The following HIVEP2 variants were observed in gnomAD, a reference collection of about 807,000 sequenced individuals.
HIVEP2 encodes HIVEP zinc finger 2, also known as transcription factor HIVEP2.
A neutral mutation model predicts 180.7 loss-of-function variants in HIVEP2; 14 were observed. That is an observed-to-expected ratio of 0.08 (90% confidence interval 0.05 to 0.12). The LOEUF (loss-of-function observed/expected upper bound fraction) is 0.12. Ranked by LOEUF, HIVEP2 falls within the 10% of genes least tolerant of loss-of-function variation. The pLI is 1.00. For synonymous variants in HIVEP2, 1,184 were observed against 1,136.4 expected (o/e 1.04, Z -0.84); for missense variants, 2,579 against 3,008.5 (o/e 0.86, Z 3.34).
intron 1 of HIVEP2, among the ~76,000 whole-genome samples, chr6:142,924,983 C>G (rs774390979): frequency 6.6e-6 from 1 of 152,158 alleles, no homozygotes; most frequent in Non-Finnish European, 1.5e-5. Flanking sequence ...AGTACCTTTG[C>G]GGCCACATCT....
intron 2 of HIVEP2, among the ~76,000 whole-genome samples, chr6:142,811,603 T>A (rs1404998733): frequency 6.6e-6 from 1 of 152,132 alleles, no homozygotes; most frequent in African/African-American, 2.4e-5. Context: ...CACAACTAAA[T>A]TTAAATTACA....
At chr6:142,846,755 G>A (rs73777808) in intron 1 of HIVEP2, among the ~76,000 whole-genome samples, 77 of 152,232 alleles carry the variant, frequency 5.1e-4, no homozygotes, top group African/African-American at 1.7e-3. Context: ...ATCATCTTAT[G>A]TCCTCACTTA....
intron 1 of HIVEP2, among the ~76,000 whole-genome samples, chr6:142,844,304 T>C (rs571301391): frequency 1.3e-5 from 2 of 151,940 alleles, no homozygotes; most frequent in African/African-American, 4.8e-5. Context: ...TTTTTTTTTT[T>C]AATGAAGAGA....
chr6:142,885,342 T>G (rs2128418577), intron 1 of HIVEP2, among the ~76,000 whole-genome samples: 1 of 151,842 alleles, frequency 6.6e-6, no homozygotes, highest in East Asian at 1.9e-4. Context: ...CTCCCCTTTC[T>G]TCTCTCGTCC....
rs771432460 is a variant in HIVEP2 at position 142,761,555 on chromosome 6, C to A, written c.5529G>T (p.Thr1843=). 2.5e-6 allele frequency: 4 copies of A among 1,590,898 alleles called. No individual in the cohort carries two copies. Among genetic ancestry groups the A allele is most frequent in the Non-Finnish European group, 3.4e-6 (4 of 1,160,312 alleles). Reference sequence around the variant, plus strand: ...TGTGTGCTTTAGATTTCATATGCTTCGTTAGGTTTCCTTGAAAATGTAGCA... The same window carrying A: ...TGTGTGCTTTAGATTTCATATGCTTAGTTAGGTTTCCTTGAAAATGTAGCA... ...NFAFKTKGNL[T]KHMKSKAHMK... Residue 1843 remains threonine (T), a synonymous_variant, in exon 8 of 10, where the codon ACG becomes ACT. Transcript: ENST00000367603.
At position 142,773,158 on chromosome 6, in the gene HIVEP2, G is replaced by A. The variant is rs1389415474; in HGVS notation, c.1581C>T (p.Asn527=). The change falls in exon 5 of 10, where the codon AAC becomes AAT. Residue 527 remains asparagine (N), a synonymous_variant. Coordinates refer to ENST00000367603, the MANE Select transcript of HIVEP2 (RefSeq NM_006734.4). ...CTACAGGAGCTTCTAAGAGAACCGG[G>A]TTGCTGCCTTGGAAGTTTGCTGGAT... is the stretch of plus-strand genomic sequence containing the variant. ...KLYPANFQGS[N]PVLLEAPVDS... is the part of the protein sequence containing the mutation. The A allele has an allele frequency of 1.9e-6, 3 of 1,614,212 alleles. No homozygotes were observed. The highest frequency in any genetic ancestry group is 2.2e-5 in the South Asian group (2 of 91,086).
chr6:142,793,657 T>TC (rs1473251583), intron 2 of HIVEP2, among the ~76,000 whole-genome samples: 1 of 38,204 alleles, frequency 2.6e-5, no homozygotes, highest in Admixed American at 3.8e-4. Flanking sequence ...TCTTTCTTTC[T>TC]TTTTTCTTTC....
In HIVEP2 at chr6:142,771,653, C is replaced by T. The variant is rs760549685; in HGVS notation, c.3086G>A (p.Arg1029His). The change falls in exon 5 of 10, where the codon CGC (arginine) becomes CAC (histidine). Residue 1029 changes from arginine to histidine, a missense_variant. By Grantham distance (29) the Arg-to-His change is conservative (BLOSUM62 0). Coordinates refer to ENST00000367603, the MANE Select transcript of HIVEP2 (RefSeq NM_006734.4). The surrounding 1 kb of genome is among the most constrained non-coding windows in gnomAD (Gnocchi z 5.4). Reference protein sequence around the residue: ...PGHHHQKEMRRCSSEQMPCPH... With the variant: ...PGHHHQKEMRHCSSEQMPCPH... Reference sequence around the variant, plus strand: ...ACAAGGCATCTGCTCTGATGAGCAGCGTCGCATCTCTTTCTGGTGGTGATG... The same window carrying T: ...ACAAGGCATCTGCTCTGATGAGCAGTGTCGCATCTCTTTCTGGTGGTGATG... 3.1e-6 allele frequency: 5 copies of T among 1,614,152 alleles called. No individual in the cohort carries two copies. Among genetic ancestry groups the T allele is most frequent in the Non-Finnish European group, 4.2e-6 (5 of 1,180,026 alleles).
chr6:142,858,179 C>T (rs1268818982), intron 1 of HIVEP2, among the ~76,000 whole-genome samples: 2 of 152,162 alleles, frequency 1.3e-5, no homozygotes, highest in African/African-American at 2.4e-5. Flanking sequence ...TATACTATGC[C>T]GTTTCTCTTC....
Position 142,772,508 on chromosome 6 carries a change from A to T in HIVEP2, c.2231T>A (p.Met744Lys), listed in dbSNP as rs1302156010. The change falls in exon 5 of 10, where the codon ATG (methionine) becomes AAG (lysine). Residue 744 changes from methionine (M) to lysine (K), a missense_variant. Met to Lys is a moderately conservative substitution (Grantham distance 95). Around this residue, in one of 11 missense-constraint regions of HIVEP2, gnomAD observed 524 missense variants for 563.6 expected, o/e 0.93. Transcript: ENST00000367603. The surrounding 1 kb of genome is among the most constrained non-coding windows in gnomAD (Gnocchi z 4.9). Reference sequence around the variant, plus strand: ...ATGAGAAAGGTTTTCGTGTCCAGCCATGGCAAATCCACTCCTGACTCCTTC... The same window carrying T: ...ATGAGAAAGGTTTTCGTGTCCAGCCTTGGCAAATCCACTCCTGACTCCTTC... ...MQEGVRSGFA[M>K]AGHENLSHGH... The T allele has an allele frequency of 1.9e-6, 3 of 1,614,130 alleles. No homozygotes were observed. In the African/African-American group the frequency reaches 4.0e-5, roughly 22 times the overall value.
At chr6:142,822,025 G>GCACT (rs1777055484) in intron 2 of HIVEP2, among the ~76,000 whole-genome samples, 4 of 152,202 alleles carry the variant, frequency 2.6e-5, no homozygotes. Flanking sequence ...GAAGCCAAAG[G>GCACT]CACTCATTCC....
chr6:142,891,371 T>C lies in HIVEP2; in HGVS notation c.-641+53728A>G, dbSNP rs1776856830. Among the ~76,000 whole-genome samples, 5 of 151,400 alleles carry C rather than the reference T, an allele frequency of 3.3e-5. No individual in the cohort carries two copies. The South Asian group carries it at 1.0e-3, about 31-fold the overall frequency. ...TAGCAAAATACTAGGTATTACACTGTACATCTATCTCATCATACATATGTA... is the reference window on the plus strand; with the variant it reads ...TAGCAAAATACTAGGTATTACACTGCACATCTATCTCATCATACATATGTA... On this transcript the variant is annotated intron_variant, in intron 1 of 9. Coordinates refer to ENST00000367603, the MANE Select transcript of HIVEP2 (RefSeq NM_006734.4).
intron 2 of HIVEP2, among the ~76,000 whole-genome samples, chr6:142,795,406 T>C (rs1776257130): frequency 6.6e-6 from 1 of 151,798 alleles, no homozygotes; most frequent in African/African-American, 2.4e-5. Flanking sequence ...CAGATTTTCA[T>C]CAAAACAAAC....
chr6:142,865,551 C>G (rs1312803835), intron 1 of HIVEP2, among the ~76,000 whole-genome samples: 1 of 152,098 alleles, frequency 6.6e-6, no homozygotes, highest in Non-Finnish European at 1.5e-5. Flanking sequence ...TACGAACGTA[C>G]CACCTCTTCT....
chr6:142,764,576 C>A (rs893334796), intron 7 of HIVEP2, among the ~76,000 whole-genome samples: 1 of 152,194 alleles, frequency 6.6e-6, no homozygotes, highest in Non-Finnish European at 1.5e-5. Flanking sequence ...AGACAACTGG[C>A]CTGGACCTAT....
chr6:142,935,098 C>CTA (rs1298673136), intron 1 of HIVEP2, among the ~76,000 whole-genome samples: 1 of 152,198 alleles, frequency 6.6e-6, no homozygotes, highest in African/African-American at 2.4e-5. Flanking sequence ...CAAAAAGGCC[C>CTA]TATCTGTTCA....
chr6:142,784,378 A>G (rs1463528271), intron 2 of HIVEP2, among the ~76,000 whole-genome samples: 1 of 152,214 alleles, frequency 6.6e-6, no homozygotes, highest in African/African-American at 2.4e-5. Flanking sequence ...GCATTAAAAC[A>G]TAACAGTTAA....
At chr6:142,869,255 T>A (rs1776224895) in intron 1 of HIVEP2, among the ~76,000 whole-genome samples, 1 of 152,166 alleles carries the variant, frequency 6.6e-6, no homozygotes, top group South Asian at 2.1e-4. Context: ...AATAAATTAC[T>A]GATAGTATGT....
chr6:142,811,492 C>T lies in HIVEP2; in HGVS notation c.-528+25443G>A, dbSNP rs138805262. ...AATGGCTAAAATTTCATGCATGTCA[C>T]GAGTGTTTCCCCTCCCCCTACACAC... On this transcript the variant is annotated intron_variant, in intron 2 of 9. Coordinates refer to ENST00000367603, the MANE Select transcript of HIVEP2 (RefSeq NM_006734.4). 3.2e-3 allele frequency among the ~76,000 whole-genome samples: 492 copies of T among 151,996 alleles called. 2 individuals are homozygous for T. The highest frequency in any genetic ancestry group is 0.011 in the African/African-American group (459 of 41,442).
Sources: allele counts gnomAD v4.1 joint callset (sites outside exome capture counted in the v4.1 genomes callset), GRCh38; gene constraint gnomAD v4.1.1; regional missense constraint gnomAD v4.1.1; non-coding constraint Gnocchi (gnomAD v3.1); transcripts MANE v1.5; gene names NCBI Gene and HGNC (gene_info 2026-07-23, HGNC 2026-07-21).